KAZN: variants seen among roughly 807,000 people sequenced by gnomAD.
KAZN encodes kazrin, periplakin interacting protein.
In KAZN, 40 loss-of-function variants were observed where a neutral mutation model predicts 87.4. The observed-to-expected ratio is 0.46, with a 90% CI of 0.36 to 0.60. The LOEUF is 0.60. Among genes scored for constraint, KAZN ranks in the 20% least tolerant of loss-of-function variants. The probability of loss-of-function intolerance (pLI) is 0.00; values close to 1 mark genes in which losing one functional copy is unlikely to be tolerated. For synonymous variants in KAZN, 466 were observed against 458.3 expected (o/e 1.02, Z -0.22); for missense variants, 898 against 1,073.9 (o/e 0.84, Z 2.29).
intron 2 of KAZN, among the ~76,000 whole-genome samples, chr1:14,456,685 CACAA>C (rs1328295822): frequency 2.0e-5 from 3 of 152,270 alleles, no homozygotes; most frequent in East Asian, 1.9e-4. Flanking sequence ...CCTTCTTCTC[CACAA>C]ACAAAGCACC....
chr1:14,022,465 T>C (rs1640871075), intron 1 of KAZN, among the ~76,000 whole-genome samples: 1 of 115,680 alleles, frequency 8.6e-6, no homozygotes, highest in Admixed American at 1.2e-4. Flanking sequence ...CGGTGCATTA[T>C]AGCTTTCACG....
chr1:14,246,774 G>T (rs1355062014), intron 2 of KAZN, among the ~76,000 whole-genome samples: 1 of 152,008 alleles, frequency 6.6e-6, no homozygotes, highest in Non-Finnish European at 1.5e-5. Context: ...AAATAAAATC[G>T]CACTTTATGT....
intron 2 of KAZN, among the ~76,000 whole-genome samples, chr1:14,483,957 G>A (rs893033326): frequency 6.6e-6 from 1 of 152,176 alleles, no homozygotes; most frequent in Non-Finnish European, 1.5e-5. Flanking sequence ...TGAGATAATG[G>A]TCTAATTTGA....
intron 2 of KAZN, among the ~76,000 whole-genome samples, chr1:14,219,062 G>T (rs1647032301): frequency 6.6e-6 from 1 of 152,056 alleles, no homozygotes; most frequent in Admixed American, 6.6e-5. Context: ...AATCCAGATA[G>T]TAAGAAACTC....
intron 2 of KAZN, among the ~76,000 whole-genome samples, chr1:14,196,031 G>A (rs1039802484): frequency 6.6e-6 from 1 of 152,152 alleles, no homozygotes; most frequent in Non-Finnish European, 1.5e-5. Context: ...CTAAGAGAGT[G>A]GATAAACCAA....
intron 2 of KAZN, among the ~76,000 whole-genome samples, chr1:14,259,517 G>A (rs1479732455): frequency 6.6e-6 from 1 of 152,124 alleles, no homozygotes; most frequent in Non-Finnish European, 1.5e-5. Flanking sequence ...GAACATCCCA[G>A]CCTCACCCCC....
At chr1:14,867,833 C>T (rs1048667878) in intron 1 of KAZN, among the ~76,000 whole-genome samples, 2 of 151,050 alleles carry the variant, frequency 1.3e-5, no homozygotes, top group Non-Finnish European at 2.9e-5. Flanking sequence ...CTCAGCTTTC[C>T]TGGGCTGAGC....
At chr1:15,089,578 C>T (rs188273257) in intron 8 of KAZN, among the ~76,000 whole-genome samples, 1 of 152,198 alleles carries the variant, frequency 6.6e-6, no homozygotes, top group East Asian at 1.9e-4. Flanking sequence ...TAAGTGCCTA[C>T]TGTCAGCCTG....
rs34649606 is a variant in KAZN, at chr1:14,527,549, C to CAAA, written c.250-71420_250-71418dup. Among the ~76,000 whole-genome samples, 849 of 108,816 alleles carry CAAA rather than the reference C, an allele frequency of 7.8e-3. 15 individuals are homozygous for CAAA. The highest frequency in any genetic ancestry group is 0.073 in the East Asian group (292 of 4,006). 71.4% of individuals were successfully genotyped at this position (108,816 alleles called of 152,430 possible). A position where few individuals can be genotyped will look rare whatever the true frequency, so the allele number is the denominator to read the frequency against. On this transcript the variant is annotated intron_variant, in intron 2 of 16. Coordinates refer to the KAZN transcript ENST00000636203. ...GGGCAACAGAGTGAGACTCTGTCTC[C>CAAA]AAAAAAAAAAAAAAAACGATACAGG... is the stretch of plus-strand genomic sequence containing the variant.
In KAZN at chr1:14,627,978, A is replaced by ACTCT. The variant is rs3087168; in HGVS notation, c.226+28773_226+28776dup. The stretch of plus-strand genomic sequence containing the variant: ...ACAGTGTGGGCAAGATGGATATGGA[A>ACTCT]CTCTCTCTCTCTCTCTCTCTCGTCT... On this transcript the variant is annotated intron_variant, in intron 1 of 14. Coordinates refer to ENST00000376030, the MANE Select transcript of KAZN (RefSeq NM_201628.3). 4.8e-3 allele frequency among the ~76,000 whole-genome samples: 694 copies of ACTCT among 143,820 alleles called. 7 individuals are homozygous for ACTCT. Among genetic ancestry groups the ACTCT allele is most frequent in the African/African-American group, 0.016 (620 of 39,304 alleles). 94.4% of individuals were successfully genotyped at this position (143,820 alleles called of 152,430 possible). A position where few individuals can be genotyped will look rare whatever the true frequency, so the allele number is the denominator to read the frequency against.
At chr1:14,297,845 C>T (rs979853202) in intron 2 of KAZN, among the ~76,000 whole-genome samples, 3 of 152,168 alleles carry the variant, frequency 2.0e-5, no homozygotes, top group African/African-American at 7.2e-5. Context: ...ATTTGTGATG[C>T]CTCCCTGGGT....
At chr1:14,428,666 A>T (rs1271500098) in intron 2 of KAZN, among the ~76,000 whole-genome samples, 2 of 152,200 alleles carry the variant, frequency 1.3e-5, no homozygotes, top group African/African-American at 4.8e-5. Context: ...ATTTACAATC[A>T]TGGTGGAAGG....
At chr1:14,538,819 C>T (rs1672646392) in intron 2 of KAZN, among the ~76,000 whole-genome samples, 1 of 152,118 alleles carries the variant, frequency 6.6e-6, no homozygotes, top group Non-Finnish European at 1.5e-5. Context: ...TACTTAACAC[C>T]AGAATGATAG....
At chr1:14,468,162 T>C (rs182830421) in intron 2 of KAZN, among the ~76,000 whole-genome samples, 68 of 152,178 alleles carry the variant, frequency 4.5e-4, no homozygotes, top group Admixed American at 4.4e-3. Flanking sequence ...GGAAAAAAAG[T>C]CAAGCTAAAA....
At chr1:13,907,276 A>C (rs1639476312) in intron 1 of KAZN, among the ~76,000 whole-genome samples, 1 of 152,196 alleles carries the variant, frequency 6.6e-6, no homozygotes, top group South Asian at 2.1e-4. Flanking sequence ...TGTGCCTCTC[A>C]AGCCAGTATT....
intron 1 of KAZN, among the ~76,000 whole-genome samples, chr1:13,984,104 A>G (rs1638891969): frequency 6.6e-6 from 1 of 152,006 alleles, no homozygotes; most frequent in African/African-American, 2.4e-5. Flanking sequence ...TCTGCCTCCC[A>G]GATTCACGCA....
intron 2 of KAZN, among the ~76,000 whole-genome samples, chr1:14,508,756 G>A (rs556720971): frequency 2.0e-5 from 3 of 152,148 alleles, no homozygotes; most frequent in African/African-American, 7.2e-5. Context: ...GACCTCGCCC[G>A]TTCTCCCTTC....
intron 1 of KAZN, among the ~76,000 whole-genome samples, chr1:14,780,608 C>T (rs1268036130): frequency 6.6e-6 from 1 of 152,224 alleles, no homozygotes; most frequent in Non-Finnish European, 1.5e-5. Flanking sequence ...AAATAAACCT[C>T]TTAGTTCTTT....
chr1:14,135,282 G>A (rs1252654078), intron 1 of KAZN, among the ~76,000 whole-genome samples: 1 of 152,154 alleles, frequency 6.6e-6, no homozygotes, highest in Non-Finnish European at 1.5e-5. Context: ...GCAGCATATA[G>A]TAAAATTTTA....
Sources: allele counts gnomAD v4.1 joint callset (sites outside exome capture counted in the v4.1 genomes callset), GRCh38; gene constraint gnomAD v4.1.1; transcripts MANE v1.5; gene names NCBI Gene and HGNC (gene_info 2026-07-23, HGNC 2026-07-21).